NBAS: variants seen among roughly 807,000 people sequenced by gnomAD.
NBAS encodes the protein NBAS subunit of NRZ tethering complex, also known as NAG/BC035112 fusion.
NBAS carries 219 observed loss-of-function variants against 302.5 expected under a neutral mutation model. That is an observed-to-expected ratio of 0.72 (90% CI 0.65 to 0.81). The LOEUF is 0.81. NBAS is among the 30% of genes least tolerant of loss of function. The probability of loss-of-function intolerance (pLI) is 0.00; values close to 1 mark genes in which losing one functional copy is unlikely to be tolerated. For synonymous variants in NBAS, 1,118 were observed against 1,021.6 expected (o/e 1.09, Z -1.80); for missense variants, 2,932 against 2,841.6 (o/e 1.03, Z -0.72).
chr2:15,427,591 C>G, intron 22 of NBAS, 120 bp downstream of exon 22: 1 of 834,694 alleles, frequency 1.2e-6, no homozygotes, highest in Non-Finnish European at 1.9e-6. Flanking sequence ...TTCACTCAAA[C>G]TTTCTAAATT....
the NBAS span, among the ~76,000 whole-genome samples, chr2:14,922,262 G>T: frequency 2.8e-3 from 422 of 152,336 alleles, 2 homozygotes; most frequent in Admixed American, 7.2e-3. Context: ...TGTAAGATAA[G>T]CAGGTAGGGC....
intron 31 of NBAS, among the ~76,000 whole-genome samples, chr2:15,367,480 T>C (rs1300643063): frequency 6.6e-6 from 1 of 152,156 alleles, no homozygotes; most frequent in African/African-American, 2.4e-5. Flanking sequence ...GGAGGTGCTT[T>C]ATGTATATTA....
the NBAS span, among the ~76,000 whole-genome samples, chr2:14,815,120 C>A: frequency 2.6e-5 from 4 of 152,272 alleles, no homozygotes; most frequent in African/African-American, 9.6e-5. Context: ...GTCATTTAAA[C>A]CTTTTTTCTT....
In NBAS at chr2:15,292,630, G is replaced by C. The variant is rs774943549; in HGVS notation, c.4934C>G (p.Ala1645Gly). The change falls in exon 41 of 52, where the codon GCG becomes GGG. Residue 1645 changes from alanine to glycine, a missense_variant. Coordinates refer to ENST00000281513, the MANE Select transcript of NBAS (RefSeq NM_015909.4). ...CTTCCGAAGGCCCTGAAGGATCTGC[G>C]CCTGAGTGAAATCCAGGAGACGTTC... is the stretch of plus-strand genomic sequence containing the variant. ...YNERLLDFTQ[A>G]QILQGLRKGV... 9.9e-6 allele frequency: 16 copies of C among 1,614,012 alleles called. No individual in the cohort carries two copies. The highest frequency in any genetic ancestry group is 1.4e-5 in the Non-Finnish European group (16 of 1,180,028).
At chr2:15,559,062 C>CAAAA (rs70961421) in intron 1 of NBAS, among the ~76,000 whole-genome samples, 12 of 50,410 alleles carry the variant, frequency 2.4e-4, no homozygotes, top group African/African-American at 7.6e-4. Flanking sequence ...GACCCTGCCT[C>CAAAA]AAAAAAAAAA....
intron 47 of NBAS, among the ~76,000 whole-genome samples, chr2:15,219,569 A>T (rs1259624386): frequency 7.3e-6 from 1 of 136,778 alleles, no homozygotes; most frequent in Admixed American, 7.7e-5. Flanking sequence ...AACAAAGCAC[A>T]TCTTGCACCG....
At chr2:15,520,699 C>A (rs1662624362) in intron 9 of NBAS, among the ~76,000 whole-genome samples, 1 of 151,662 alleles carries the variant, frequency 6.6e-6, no homozygotes. Context: ...ATTTGAATTT[C>A]ATATGATTTT....
intron 19 of NBAS, among the ~76,000 whole-genome samples, chr2:15,464,014 A>G (rs1464847755): frequency 6.6e-6 from 1 of 152,170 alleles, no homozygotes; most frequent in Admixed American, 6.5e-5. Context: ...CATGGAGAAT[A>G]AAAGACACAC....
chr2:15,268,461 T>A (rs1669173681), intron 44 of NBAS, among the ~76,000 whole-genome samples: 1 of 152,176 alleles, frequency 6.6e-6, no homozygotes, highest in African/African-American at 2.4e-5. Context: ...CATTTTTATA[T>A]TGATCACATG....
chr2:15,234,715 A>T lies in NBAS; in HGVS notation c.5976T>A (p.Asp1992Glu). ...GTTTCTCTTTTTCTGATCGGGACAG[A>T]TCATAGAGGTGACTGTATTTTTGCA... ...ETLQKYSHLYDLSRSEKEKLH... is the reference protein window; with the variant it reads ...ETLQKYSHLYELSRSEKEKLH... The change falls in exon 46 of 52, where the codon GAT (aspartate) becomes GAA (glutamate). Residue 1992 changes from aspartate to glutamate, a missense_variant. By Grantham distance (45) the Asp-to-Glu change is conservative. Transcript: ENST00000281513. 6.2e-7 allele frequency: 1 copy of T among 1,614,152 alleles called. No individual in the cohort carries two copies.
At chr2:15,471,518 A>G (rs911202952) in intron 16 of NBAS, among the ~76,000 whole-genome samples, 2 of 152,188 alleles carry the variant, frequency 1.3e-5, no homozygotes, top group African/African-American at 4.8e-5. Flanking sequence ...TTTCCTTTCT[A>G]TATGTTAAGA....
At chr2:15,457,948 G>A (rs551617026) in intron 21 of NBAS, among the ~76,000 whole-genome samples, 41 of 152,320 alleles carry the variant, frequency 2.7e-4, no homozygotes, top group African/African-American at 8.9e-4. Flanking sequence ...CTTCTTCCAG[G>A]TTAGCAAGTG....
chr2:14,959,633 T>C, the NBAS span, among the ~76,000 whole-genome samples: 2 of 152,212 alleles, frequency 1.3e-5, no homozygotes, highest in Non-Finnish European at 2.9e-5. Flanking sequence ...TTCTTATACA[T>C]CGGTCACATT....
chr2:15,426,635 T>C (rs1677493098), intron 22 of NBAS, among the ~76,000 whole-genome samples: 1 of 152,268 alleles, frequency 6.6e-6, no homozygotes, highest in African/African-American at 2.4e-5. Flanking sequence ...TACAATGCTA[T>C]TGATATTTCA....
At chr2:15,016,601 T>C in the NBAS span, among the ~76,000 whole-genome samples, 2 of 141,830 alleles carry the variant, frequency 1.4e-5, no homozygotes, top group African/African-American at 5.1e-5. Flanking sequence ...ATGACATTAG[T>C]CACAAAAATA....
the NBAS span, among the ~76,000 whole-genome samples, chr2:14,831,249 T>C: frequency 0.44 from 66,537 of 151,908 alleles, 15,878 homozygotes; most frequent in African/African-American, 0.64. Flanking sequence ...AGAACTCTCA[T>C]CTTATTTGAA....
chr2:15,241,089 C>T (rs986319975), intron 44 of NBAS, among the ~76,000 whole-genome samples: 4 of 152,160 alleles, frequency 2.6e-5, no homozygotes, highest in African/African-American at 4.8e-5. Context: ...TTCCACTCAA[C>T]GATTTCTGCA....
At chr2:14,991,639 G>T in the NBAS span, among the ~76,000 whole-genome samples, 5 of 152,164 alleles carry the variant, frequency 3.3e-5, no homozygotes, top group African/African-American at 1.2e-4. Flanking sequence ...CACGCAGGGA[G>T]CCTTTTAAAA....
the NBAS span, among the ~76,000 whole-genome samples, chr2:15,117,439 C>T: frequency 4.6e-5 from 7 of 152,200 alleles, no homozygotes; most frequent in South Asian, 4.1e-4. Context: ...CCTTCTGGGT[C>T]GGATGACCAC....
Sources: gnomAD v4.1 joint callset for allele counts (sites outside exome capture counted in the v4.1 genomes callset) on GRCh38, gnomAD v4.1.1 for gene constraint, MANE v1.5 for transcripts, NCBI Gene and HGNC (gene_info 2026-07-23, HGNC 2026-07-21) for gene names.